Variants in OSBPL9 observed in about 807,000 individuals in gnomAD.
OSBPL9 encodes the protein oxysterol-binding protein-related protein 9.
In OSBPL9, 40 loss-of-function variants were observed where a neutral mutation model predicts 106.6. The observed-to-expected ratio is 0.38, with a 90% CI of 0.29 to 0.49. OSBPL9 has a LOEUF of 0.49. OSBPL9 is among the 20% of genes least tolerant of loss of function. The pLI is 0.97. For synonymous variants in OSBPL9, 269 were observed against 295.4 expected (o/e 0.91, Z 0.92); for missense variants, 609 against 887.2 (o/e 0.69, Z 3.98).
the OSBPL9 span, among the ~76,000 whole-genome samples, chr1:51,570,640 T>C: frequency 3.0e-4 from 45 of 152,240 alleles, no homozygotes; most frequent in African/African-American, 1.1e-3. Flanking sequence ...TCCATGCTGC[T>C]GCCCAGCTTA....
At chr1:51,731,638 G>A (rs550440484) in intron 4 of OSBPL9, among the ~76,000 whole-genome samples, 4 of 152,020 alleles carry the variant, frequency 2.6e-5, no homozygotes, top group African/African-American at 9.6e-5. Flanking sequence ...TTAGCCGGGC[G>A]TGGTGGCGGG....
rs1447564480 is a variant in OSBPL9 at position 51,787,814 on chromosome 1, T to C, written c.*25T>C. ...GGTTGGAAGATGCAAAGTTTATACC[T>C]GATGATCAGGGCAGTAGGCATAATT... On this transcript the variant is annotated 3_prime_UTR_variant, in exon 24 of 24. Coordinates refer to ENST00000428468, the MANE Select transcript of OSBPL9 (RefSeq NM_024586.6). 1 of 1,577,874 alleles carries C rather than the reference T, an allele frequency of 6.3e-7. No homozygotes were observed. The highest frequency in any genetic ancestry group is 1.1e-5 in the South Asian group (1 of 90,230).
intron 5 of OSBPL9, 151 bp from the exon 6 acceptor site, chr1:51,746,559 G>GA (rs1041335968): frequency 5.2e-5 from 27 of 515,574 alleles, no homozygotes; most frequent in East Asian, 6.7e-5. Context: ...TTGAGTGCTC[G>GA]AAAAAAAATA....
At chr1:51,683,400 G>A (rs1039193426) in intron 3 of OSBPL9, among the ~76,000 whole-genome samples, 7 of 150,150 alleles carry the variant, frequency 4.7e-5, no homozygotes, top group Admixed American at 3.3e-4. Context: ...GGCTGGTCTC[G>A]AACTGCTGAC....
At chr1:51,597,240 T>C (rs1478432985) in intron 1 of OSBPL9, among the ~76,000 whole-genome samples, 1 of 152,130 alleles carries the variant, frequency 6.6e-6, no homozygotes, top group Non-Finnish European at 1.5e-5. Context: ...ATAACTGGTG[T>C]AGTGGGAAGC....
intron 1 of OSBPL9, among the ~76,000 whole-genome samples, chr1:51,596,394 T>C (rs1254966502): frequency 6.6e-6 from 1 of 151,374 alleles, no homozygotes; most frequent in Non-Finnish European, 1.5e-5. Flanking sequence ...ACCCCGTCTC[T>C]ACTAAAAATA....
chr1:51,754,056 C>A (rs1222394243), intron 8 of OSBPL9, among the ~76,000 whole-genome samples: 1 of 152,160 alleles, frequency 6.6e-6, no homozygotes, highest in African/African-American at 2.4e-5. Flanking sequence ...TGTTCTTCTC[C>A]TGGGAGACTG....
At position 51,645,903 on chromosome 1, in the gene OSBPL9, T is replaced by TA. The variant is rs148783893; in HGVS notation, c.112-6079dup. Among the ~76,000 whole-genome samples the TA allele has an allele frequency of 1.5e-3, 230 of 151,630 alleles. 7 individuals are homozygous for TA. In the South Asian group the frequency reaches 0.04, roughly 26 times the overall value. ...CTATTGGATAGTCTTGGCACTCTTG[T>TA]AAAAAAAAATCACTTGATTATGTAT... On this transcript the variant is annotated intron_variant, in intron 1 of 23. Coordinates refer to ENST00000428468, the MANE Select transcript of OSBPL9 (RefSeq NM_024586.6).
the OSBPL9 span, among the ~76,000 whole-genome samples, chr1:51,535,737 A>C: frequency 6.6e-6 from 1 of 151,828 alleles, no homozygotes; most frequent in Non-Finnish European, 1.5e-5. Flanking sequence ...TTATATTTTT[A>C]GTAGAGACAG....
chr1:51,634,093 CTT>C (rs1645275458), intron 1 of OSBPL9, among the ~76,000 whole-genome samples: 1 of 152,184 alleles, frequency 6.6e-6, no homozygotes. Flanking sequence ...AGCTGTTGTT[CTT>C]GCTAACCACA....
chr1:51,727,870 G>C (rs544653926), intron 4 of OSBPL9, among the ~76,000 whole-genome samples: 3 of 152,100 alleles, frequency 2.0e-5, no homozygotes, highest in Non-Finnish European at 4.4e-5. Flanking sequence ...TAAGATAAAT[G>C]TAAAATTACA....
intron 14 of OSBPL9, among the ~76,000 whole-genome samples, chr1:51,775,384 C>A (rs887773747): frequency 6.6e-5 from 10 of 151,678 alleles, no homozygotes; most frequent in African/African-American, 2.4e-4. Flanking sequence ...TTTATCACAG[C>A]CTTACTCTTC....
intron 1 of OSBPL9, among the ~76,000 whole-genome samples, chr1:51,620,449 C>A (rs909690728): frequency 3.3e-5 from 5 of 152,052 alleles, no homozygotes; most frequent in Admixed American, 2.0e-4. Flanking sequence ...CAGATAAGAG[C>A]TGTGATAGAG....
intron 4 of OSBPL9, among the ~76,000 whole-genome samples, chr1:51,715,268 G>A (rs554031068): frequency 6.6e-6 from 1 of 152,252 alleles, no homozygotes; most frequent in African/African-American, 2.4e-5. Context: ...AAATGAATAT[G>A]AAATTGAAGT....
intron 3 of OSBPL9, among the ~76,000 whole-genome samples, chr1:51,674,918 C>CA (rs1650810418): frequency 2.0e-5 from 3 of 152,046 alleles, no homozygotes; most frequent in African/African-American, 4.8e-5. Flanking sequence ...AAGAAAATTA[C>CA]AAAAAAACCT....
the OSBPL9 span, among the ~76,000 whole-genome samples, chr1:51,571,838 G>A: frequency 1.3e-5 from 2 of 152,136 alleles, no homozygotes; most frequent in Admixed American, 6.6e-5. Flanking sequence ...ACCCTACTTC[G>A]TAGCTCAATT....
At chr1:51,617,036 G>GGCC, upstream of OSBPL9, 35 of 1,387,656 alleles carry the variant, frequency 2.5e-5, no homozygotes, top group East Asian at 2.9e-5. Context: ...GCCCCCTGCG[G>GGCC]CCCCGCCCCC....
At chr1:51,728,058 A>T (rs1189070393) in intron 4 of OSBPL9, among the ~76,000 whole-genome samples, 1 of 152,218 alleles carries the variant, frequency 6.6e-6, no homozygotes, top group African/African-American at 2.4e-5. Flanking sequence ...CTAAAATTGG[A>T]AAGTCCTTGG....
At chr1:51,619,445 T>C (rs1257631403) in intron 1 of OSBPL9, among the ~76,000 whole-genome samples, 1 of 152,256 alleles carries the variant, frequency 6.6e-6, no homozygotes, top group Non-Finnish European at 1.5e-5. Flanking sequence ...AATATAGGGT[T>C]TAAAAAAATA....
Sources: allele counts gnomAD v4.1 joint callset (sites outside exome capture counted in the v4.1 genomes callset), GRCh38; gene constraint gnomAD v4.1.1; transcripts MANE v1.5; gene names NCBI Gene and HGNC (gene_info 2026-07-23, HGNC 2026-07-21).